Variants in MYO3B observed in about 807,000 individuals in gnomAD.
MYO3B encodes the protein myosin IIIB.
In MYO3B, 156 loss-of-function variants were observed where a neutral mutation model predicts 174.6. The ratio of observed to expected loss-of-function variants is 0.89; its 90% confidence interval spans 0.78 to 1.02. The LOEUF (loss-of-function observed/expected upper bound fraction) is 1.02. MYO3B is among the 50% of genes least tolerant of loss of function. The pLI is 0.00. For synonymous variants in MYO3B, 563 were observed against 569.1 expected (o/e 0.99, Z 0.15); for missense variants, 1,632 against 1,639.4 (o/e 1.00, Z 0.08).
intron 32 of MYO3B, among the ~76,000 whole-genome samples, chr2:170,625,187 G>A (rs561531646): frequency 2.7e-4 from 41 of 152,244 alleles, no homozygotes; most frequent in African/African-American, 3.8e-4. Flanking sequence ...CTGTGAATCC[G>A]TCTGGTCCTG....
At chr2:170,566,495 G>T (rs1364173749) in intron 32 of MYO3B, among the ~76,000 whole-genome samples, 2 of 152,112 alleles carry the variant, frequency 1.3e-5, no homozygotes, top group Admixed American at 6.5e-5. Flanking sequence ...CTGTCACCTG[G>T]ATTTTTCTGG....
intron 7 of MYO3B, among the ~76,000 whole-genome samples, chr2:170,317,621 A>C (rs1188342991): frequency 6.6e-6 from 1 of 152,088 alleles, no homozygotes; most frequent in African/African-American, 2.4e-5. Flanking sequence ...AGATAGGAGG[A>C]AATGTTTGGT....
At chr2:170,502,910 G>A (rs192307669) in intron 28 of MYO3B, among the ~76,000 whole-genome samples, 32 of 152,286 alleles carry the variant, frequency 2.1e-4, no homozygotes, top group African/African-American at 5.5e-4. Flanking sequence ...CATTCAAAAC[G>A]AAAATAGTTG....
At chr2:170,543,111 A>G (rs1308950883) in intron 31 of MYO3B, 145 bp downstream of exon 31, 2 of 670,878 alleles carry the variant, frequency 3.0e-6, no homozygotes, top group Non-Finnish European at 5.1e-6. Context: ...CTTTGAGACA[A>G]AAGCCCAGCT....
intron 32 of MYO3B, among the ~76,000 whole-genome samples, chr2:170,642,273 A>C (rs2105448302): frequency 6.6e-6 from 1 of 152,258 alleles, no homozygotes; most frequent in East Asian, 1.9e-4. Flanking sequence ...TTTCAGGGGA[A>C]GTTATTGCCA....
chr2:170,524,933 T>C (rs1688910106), intron 30 of MYO3B, among the ~76,000 whole-genome samples: 1 of 152,238 alleles, frequency 6.6e-6, no homozygotes, highest in Non-Finnish European at 1.5e-5. Context: ...ATGGGCCTTC[T>C]GACCACAGCA....
chr2:170,506,991 A>G (rs986482939), intron 28 of MYO3B, among the ~76,000 whole-genome samples: 1 of 152,036 alleles, frequency 6.6e-6, no homozygotes, highest in African/African-American at 2.4e-5. Context: ...TTTCATTTCT[A>G]TTTCTTAGAT....
At chr2:170,479,099 C>T (rs1685511897) in intron 25 of MYO3B, among the ~76,000 whole-genome samples, 1 of 150,030 alleles carries the variant, frequency 6.7e-6, no homozygotes, top group Non-Finnish European at 1.5e-5. Flanking sequence ...GCCTGGCCAA[C>T]ATGGTAAAAC....
In MYO3B at chr2:170,400,251, G is replaced by A. The variant is rs961001338; in HGVS notation, c.1855G>A (p.Ala619Thr). 1 of 1,613,958 alleles carries A rather than the reference G, an allele frequency of 6.2e-7. No individual in the cohort carries two copies. The highest frequency in any genetic ancestry group is 8.5e-7 in the Non-Finnish European group (1 of 1,180,006). Reference protein sequence around the residue: ...ILNIGNIEFAAISSQHQTDKS... With the variant: ...ILNIGNIEFATISSQHQTDKS... The stretch of plus-strand genomic sequence containing the variant: ...GAATATTGGGAACATTGAGTTCGCA[G>A]CTATTTCCTCTCAACATCAGACTGA... Residue 619 changes from alanine to threonine, a missense_variant, in exon 17 of 35, where the codon GCT (alanine) becomes ACT (threonine). Physicochemically the swap from Ala to Thr is moderately conservative, Grantham distance 58. Coordinates refer to ENST00000408978, the MANE Select transcript of MYO3B (RefSeq NM_138995.5).
intron 32 of MYO3B, chr2:170,643,585 T>C (rs944388385): frequency 2.0e-5 from 3 of 152,184 alleles, no homozygotes; most frequent in African/African-American, 7.2e-5. Flanking sequence ...GGATTTGCCA[T>C]CTGTAAATCT....
At position 170,303,636 on chromosome 2, in the gene MYO3B, TA is replaced by T. The variant is rs201795849; in HGVS notation, c.750-31740del. ...TATTCTTTGATTGCTTTCCTATTATTAAAAAAAAACTAATAGATCTTTGTTA... is the reference window on the plus strand; with the variant it reads ...TATTCTTTGATTGCTTTCCTATTATTAAAAAAAACTAATAGATCTTTGTTA... On this transcript the variant is annotated intron_variant, in intron 7 of 34. Coordinates refer to ENST00000408978, the MANE Select transcript of MYO3B (RefSeq NM_138995.5). 9.2e-3 allele frequency among the ~76,000 whole-genome samples: 1,385 copies of T among 151,286 alleles called. 20 individuals are homozygous for T. Among genetic ancestry groups the T allele is most frequent in the African/African-American group, 0.03 (1,237 of 41,326 alleles).
At chr2:170,188,585 G>A (rs1243570866) in intron 1 of MYO3B, among the ~76,000 whole-genome samples, 1 of 151,732 alleles carries the variant, frequency 6.6e-6, no homozygotes, top group African/African-American at 2.4e-5. Flanking sequence ...ATTTTCTCTA[G>A]GTATGTTTTG....
At chr2:170,425,179 G>T (rs1453797708) in intron 22 of MYO3B, among the ~76,000 whole-genome samples, 1 of 151,944 alleles carries the variant, frequency 6.6e-6, no homozygotes, top group Non-Finnish European at 1.5e-5. Context: ...CTTAAAGATG[G>T]AATAAAACTT....
chr2:170,579,553 T>C (rs1692997603), intron 32 of MYO3B, among the ~76,000 whole-genome samples: 1 of 152,212 alleles, frequency 6.6e-6, no homozygotes, highest in South Asian at 2.1e-4. Context: ...ATATTTTTAC[T>C]AAATGTGTAG....
chr2:170,399,220 C>A (rs71415212), intron 16 of MYO3B, among the ~76,000 whole-genome samples: 25,460 of 94,414 alleles, frequency 0.27, 3,110 homozygotes, highest in Middle Eastern at 0.37. Context: ...CCAGCCTGGG[C>A]AACAAGAGCG....
intron 7 of MYO3B, among the ~76,000 whole-genome samples, chr2:170,330,850 GCT>G (rs2093906610): frequency 8.7e-6 from 1 of 114,966 alleles, no homozygotes; most frequent in South Asian, 2.6e-4. Context: ...GTTGGAATTT[GCT>G]GATTTCCGAA....
intron 32 of MYO3B, among the ~76,000 whole-genome samples, chr2:170,616,667 T>C (rs184073116): frequency 1.3e-5 from 2 of 152,276 alleles, no homozygotes. Flanking sequence ...AATAAACCAA[T>C]AGTACAAATT....
chr2:170,407,931 G>A lies in MYO3B; in HGVS notation c.2650+87G>A. The A allele has an allele frequency of 3.4e-6, 5 of 1,487,068 alleles. No individual in the cohort carries two copies. The Admixed American group carries it at 9.0e-5, about 27-fold the overall frequency. 92.1% of individuals were successfully genotyped at this position (1,487,068 alleles called of 1,614,324 possible). A position where few individuals can be genotyped will look rare whatever the true frequency, so the allele number is the denominator to read the frequency against. On this transcript the variant is annotated intron_variant, in intron 22 of 34. Transcript: ENST00000408978. ...CCAGTTAGTGTCTGAATACTGCCAG[G>A]GCTGCACCGCTAACATTGAACTTCT...
At chr2:170,436,336 T>G (rs997696841) in intron 22 of MYO3B, among the ~76,000 whole-genome samples, 3 of 152,180 alleles carry the variant, frequency 2.0e-5, no homozygotes, top group African/African-American at 7.2e-5. Flanking sequence ...ATGGAAACTT[T>G]GGTTATGTTT....
Sources: gnomAD v4.1 joint callset for allele counts (sites outside exome capture counted in the v4.1 genomes callset) on GRCh38, gnomAD v4.1.1 for gene constraint, MANE v1.5 for transcripts, NCBI Gene and HGNC (gene_info 2026-07-23, HGNC 2026-07-21) for gene names.